GREB1: variants seen among roughly 807,000 people sequenced by gnomAD.
The protein encoded by GREB1 is growth regulating estrogen receptor binding 1, also known as protein GREB1.
In GREB1, 106 loss-of-function variants were observed where a neutral mutation model predicts 200.7. The ratio of observed to expected loss-of-function variants is 0.53; its 90% confidence interval spans 0.45 to 0.62. GREB1 has a LOEUF of 0.62. Ranked by LOEUF, GREB1 falls within the 20% of genes least tolerant of loss-of-function variation. The probability of loss-of-function intolerance (pLI) is 0.00; values close to 1 mark genes in which losing one functional copy is unlikely to be tolerated. For missense variants in GREB1, 2,243 were observed against 2,556.8 expected, an observed-to-expected ratio of 0.88 and a Z score of 2.65; for synonymous variants, 1,132 against 1,092.4, an observed-to-expected ratio of 1.04 and a Z score of -0.72.
intron 11 of GREB1, among the ~76,000 whole-genome samples, chr2:11,594,537 T>G (rs1430308099): frequency 6.6e-6 from 1 of 151,740 alleles, no homozygotes; most frequent in African/African-American, 2.4e-5. Context: ...GTATTTTTAG[T>G]AGAGATGGGG....
At chr2:11,612,332 A>G in intron 18 of GREB1, 163 bp from the exon 19 acceptor site, 1 of 1,371,084 alleles carries the variant, frequency 7.3e-7, no homozygotes, top group Non-Finnish European at 9.5e-7. Flanking sequence ...TACGGTGGCC[A>G]AGTGGATGGT....
rs1558578092 is a variant in GREB1, at chr2:11,580,555, G to C, written c.773-149G>C. 5 of 818,776 alleles carry C rather than the reference G, an allele frequency of 6.1e-6. No individual in the cohort carries two copies. Among genetic ancestry groups the C allele is most frequent in the Non-Finnish European group, 9.8e-6 (5 of 508,538 alleles). The allele number at this position is 818,776 out of a possible 1,614,324, so 50.7% of individuals were successfully genotyped here. On this transcript the variant is annotated intron_variant, in intron 6 of 32. Coordinates refer to ENST00000381486, the MANE Select transcript of GREB1 (RefSeq NM_014668.4). This position sits in a 1 kb window ranked among gnomAD's most constrained non-coding sequence, Gnocchi z 4.5. ...CTGCATGTATCTTCTCAGTGTAGCA[G>C]AATCACTGTTGGGCATTCTGACCTC...
intron 2 of GREB1, chr2:11,561,681 C>G (rs1386252456): frequency 6.6e-6 from 1 of 152,072 alleles, no homozygotes; most frequent in Non-Finnish European, 1.5e-5. Flanking sequence ...ACCTGGTATT[C>G]CCAGGTGGTC....
At chr2:11,494,808 G>T (rs56249768) in intron 1 of GREB1, among the ~76,000 whole-genome samples, 20,839 of 152,144 alleles carry the variant, frequency 0.14, 1,863 homozygotes, top group East Asian at 0.32. Flanking sequence ...TGGGGTGGCT[G>T]CCAAAATCCA....
chr2:11,484,224 C>T (rs1310857729), intron 1 of GREB1, among the ~76,000 whole-genome samples: 3 of 152,244 alleles, frequency 2.0e-5, no homozygotes, highest in Non-Finnish European at 2.9e-5. Flanking sequence ...TTCCAGACCA[C>T]TGTTTCTGAC....
At chr2:11,568,603 C>T (rs559385624) in intron 4 of GREB1, among the ~76,000 whole-genome samples, 1 of 152,384 alleles carries the variant, frequency 6.6e-6, no homozygotes, top group Non-Finnish European at 1.5e-5. Flanking sequence ...TGCCTGGTGG[C>T]CACCTTAGCG....
At chr2:11,543,897 G>T (rs1437051915) in intron 1 of GREB1, among the ~76,000 whole-genome samples, 4 of 152,120 alleles carry the variant, frequency 2.6e-5, no homozygotes, top group African/African-American at 9.7e-5. Context: ...TCTGTGAATG[G>T]ACCGGGGAGT....
At chr2:11,532,839 G>T (rs1177385525), upstream of GREB1, among the ~76,000 whole-genome samples, 1 of 152,174 alleles carries the variant, frequency 6.6e-6, no homozygotes, top group Non-Finnish European at 1.5e-5. Flanking sequence ...ACTGCTTAAA[G>T]ATATCCTTTG....
At chr2:11,569,644 C>A (rs1009853876) in intron 4 of GREB1, among the ~76,000 whole-genome samples, 2 of 152,204 alleles carry the variant, frequency 1.3e-5, no homozygotes, top group African/African-American at 4.8e-5. Context: ...GTTAAAATAG[C>A]CAATGCAGTG....
intron 2 of GREB1, among the ~76,000 whole-genome samples, chr2:11,560,412 A>G (rs1676885703): frequency 6.6e-6 from 1 of 152,114 alleles, no homozygotes; most frequent in South Asian, 2.1e-4. Flanking sequence ...CAAAGAAATA[A>G]GAAGCGGGCC....
chr2:11,553,993 G>A (rs1344780514), intron 1 of GREB1, among the ~76,000 whole-genome samples: 1 of 152,128 alleles, frequency 6.6e-6, no homozygotes, highest in Non-Finnish European at 1.5e-5. Context: ...GAGGGCATTT[G>A]GGATGTTATT....
chr2:11,580,990 C>G lies in GREB1; in HGVS notation c.901+158C>G. The G allele has an allele frequency of 1.1e-6, 1 of 892,780 alleles. No homozygotes were observed. The highest frequency in any genetic ancestry group is 2.6e-5 in the East Asian group (1 of 38,010). 55.3% of individuals were successfully genotyped at this position (892,780 alleles called of 1,614,324 possible). Reference sequence around the variant, plus strand: ...CAGGACCACAGGTGCCTCCTGAGTCCGTGGGTCTGGGCCCAGGCCCTGGTG... The same window carrying G: ...CAGGACCACAGGTGCCTCCTGAGTCGGTGGGTCTGGGCCCAGGCCCTGGTG... On this transcript the variant is annotated intron_variant, in intron 7 of 32. Coordinates refer to ENST00000381486, the MANE Select transcript of GREB1 (RefSeq NM_014668.4). The surrounding 1 kb of genome is among the most constrained non-coding windows in gnomAD (Gnocchi z 4.5).
chr2:11,572,284 C>T (rs1029223701), intron 4 of GREB1, among the ~76,000 whole-genome samples: 4 of 152,124 alleles, frequency 2.6e-5, no homozygotes, highest in African/African-American at 7.2e-5. Context: ...TGGCTGTCAG[C>T]GAGATCTGCT....
chr2:11,602,203 A>G (rs1332116502), intron 16 of GREB1, among the ~76,000 whole-genome samples: 1 of 152,232 alleles, frequency 6.6e-6, no homozygotes, highest in Non-Finnish European at 1.5e-5. Flanking sequence ...AGCAATGGGG[A>G]CACACCATTT....
chr2:11,614,252 G>A (rs970021169), intron 19 of GREB1, among the ~76,000 whole-genome samples: 2 of 150,952 alleles, frequency 1.3e-5, no homozygotes, highest in Non-Finnish European at 1.5e-5. Context: ...TCAGCCTCCC[G>A]AGGAGCTGGG....
intron 25 of GREB1, among the ~76,000 whole-genome samples, chr2:11,628,136 A>G (rs909647922): frequency 3.9e-5 from 6 of 152,228 alleles, no homozygotes; most frequent in African/African-American, 4.8e-5. Flanking sequence ...GGGAACTCCA[A>G]GTGGAGCCCA....
intron 2 of GREB1, among the ~76,000 whole-genome samples, chr2:11,557,944 A>G (rs561016643): frequency 3.3e-5 from 5 of 152,348 alleles, no homozygotes; most frequent in African/African-American, 9.6e-5. Flanking sequence ...GCCAGTTGAA[A>G]GACTTTGGTG....
intron 4 of GREB1, among the ~76,000 whole-genome samples, chr2:11,568,279 A>T (rs184779685): frequency 6.6e-5 from 10 of 152,324 alleles, no homozygotes; most frequent in Admixed American, 6.5e-4. Flanking sequence ...TGTGCAAAGG[A>T]TGAAGAATGG....
chr2:11,511,309 C>A (rs909648489), intron 1 of GREB1, among the ~76,000 whole-genome samples: 1 of 152,010 alleles, frequency 6.6e-6, no homozygotes, highest in Non-Finnish European at 1.5e-5. Flanking sequence ...GAGCTGGGGC[C>A]CAGAGAAGTT....
Sources: gnomAD v4.1 joint callset for allele counts (sites outside exome capture counted in the v4.1 genomes callset) on GRCh38, gnomAD v4.1.1 for gene constraint, Gnocchi (gnomAD v3.1) non-coding constraint, MANE v1.5 for transcripts, NCBI Gene and HGNC (gene_info 2026-07-23, HGNC 2026-07-21) for gene names.